Variants in CARMIL1 observed in about 807,000 individuals in gnomAD.
CARMIL1 encodes F-actin-uncapping protein LRRC16A.
CARMIL1 carries 90 observed loss-of-function variants against 177.1 expected under a neutral mutation model. That is an observed-to-expected ratio of 0.51 (90% confidence interval 0.43 to 0.61). The LOEUF is 0.61. Among genes scored for constraint, CARMIL1 ranks in the 20% least tolerant of loss-of-function variants. The pLI, the probability that CARMIL1 is intolerant of heterozygous loss-of-function variation, is 0.00. For missense variants in CARMIL1, 1,380 were observed against 1,667.0 expected, an observed-to-expected ratio of 0.83 and a Z score of 3.00; for synonymous variants, 577 against 606.2, an observed-to-expected ratio of 0.95 and a Z score of 0.71.
At chr6:25,419,048 G>A (rs1447751784) in intron 2 of CARMIL1, among the ~76,000 whole-genome samples, 6 of 152,286 alleles carry the variant, frequency 3.9e-5, no homozygotes, top group South Asian at 2.1e-4. Flanking sequence ...ACGCCACAGG[G>A]GCACAGCCTT....
chr6:25,606,709 A>T (rs1562336075), intron 35 of CARMIL1, among the ~76,000 whole-genome samples: 1 of 152,334 alleles, frequency 6.6e-6, no homozygotes, highest in South Asian at 2.1e-4. Flanking sequence ...ATTCTATGAT[A>T]TAACAAGGGT....
At chr6:25,457,685 A>G (rs1799666229) in intron 8 of CARMIL1, among the ~76,000 whole-genome samples, 1 of 152,198 alleles carries the variant, frequency 6.6e-6, no homozygotes, top group Non-Finnish European at 1.5e-5. Context: ...AGAGTGCATA[A>G]TCCATTGTGT....
intron 31 of CARMIL1, among the ~76,000 whole-genome samples, chr6:25,587,110 CCTT>C (rs1323516633): frequency 2.0e-5 from 3 of 152,016 alleles, no homozygotes; most frequent in East Asian, 3.9e-4. Flanking sequence ...AAAAATTTAA[CCTT>C]AGATCAAACC....
In CARMIL1 at chr6:25,318,865, CAGGG is replaced by C. The variant is rs1300649143; in HGVS notation, c.138+33958_138+33961del. Reference sequence around the variant, plus strand: ...CCCTGGTTTGTGAGGTGCTCAACAGCAGGGACAGATGCAATCAGAGAAGGATGAA... The same window carrying C: ...CCCTGGTTTGTGAGGTGCTCAACAGCACAGATGCAATCAGAGAAGGATGAA... On this transcript the variant is annotated intron_variant, in intron 2 of 36. Transcript: ENST00000329474. 3.3e-5 allele frequency among the ~76,000 whole-genome samples: 5 copies of C among 152,276 alleles called. No individual in the cohort carries two copies. The East Asian group carries it at 5.8e-4, about 18-fold the overall frequency.
chr6:25,575,250 G>A (rs1202813120), intron 29 of CARMIL1, among the ~76,000 whole-genome samples: 1 of 152,142 alleles, frequency 6.6e-6, no homozygotes, highest in Non-Finnish European at 1.5e-5. Flanking sequence ...TCCAAAGAGT[G>A]GACAAGAGTA....
In CARMIL1 at chr6:25,495,176, T is replaced by C; in HGVS notation, c.1286T>C (p.Ile429Thr). 1.9e-6 allele frequency: 3 copies of C among 1,613,438 alleles called. No homozygotes were observed. Among genetic ancestry groups the C allele is most frequent in the Non-Finnish European group, 2.5e-6 (3 of 1,179,586 alleles). ...FFSSSLALMH[I>T]NLSGTKLSPE... Reference sequence around the variant, plus strand: ...AGTAGTTCTCTGGCTTTGATGCACATCAACCTTTCAGGCACAAAACTGTCT... The same window carrying C: ...AGTAGTTCTCTGGCTTTGATGCACACCAACCTTTCAGGCACAAAACTGTCT... The change falls in exon 16 of 37, where the codon ATC (isoleucine) becomes ACC (threonine). Residue 429 changes from isoleucine to threonine, a missense_variant. Ile to Thr is a moderately conservative substitution (Grantham distance 89, BLOSUM62 -1). Coordinates refer to ENST00000329474, the MANE Select transcript of CARMIL1 (RefSeq NM_017640.6).
At chr6:25,314,212 C>T (rs2150216550) in intron 2 of CARMIL1, among the ~76,000 whole-genome samples, 1 of 126,636 alleles carries the variant, frequency 7.9e-6, no homozygotes, top group South Asian at 2.8e-4. Context: ...CCACCCGCCT[C>T]GGCCTCCATC....
intron 2 of CARMIL1, among the ~76,000 whole-genome samples, chr6:25,294,772 T>C (rs1297005939): frequency 1.3e-5 from 2 of 152,270 alleles, no homozygotes; most frequent in Non-Finnish European, 2.9e-5. Context: ...ATCACTATTC[T>C]GATCACCTTG....
chr6:25,503,394 T>C (rs1022248147), intron 17 of CARMIL1, among the ~76,000 whole-genome samples: 2 of 152,236 alleles, frequency 1.3e-5, no homozygotes, highest in African/African-American at 4.8e-5. Flanking sequence ...TTTTGTTTCT[T>C]AGGCCTAGAT....
rs141912817 is a variant in CARMIL1 at position 25,284,595 on chromosome 6, G to C, written c.41-217G>C. Among the ~76,000 whole-genome samples, 1,306 of 152,314 alleles carry C rather than the reference G, an allele frequency of 8.6e-3. 15 individuals are homozygous for C. The highest frequency in any genetic ancestry group is 0.023 in the African/African-American group (956 of 41,564). On this transcript the variant is annotated intron_variant, in intron 1 of 36. Transcript: ENST00000329474. ...CTGGTGGTGTGCGCCTGTAGTCTCA[G>C]CTGTTCGGGAAGCTGAGGCAGGAGA...
At chr6:25,524,748 C>A (rs988459053) in intron 23 of CARMIL1, among the ~76,000 whole-genome samples, 3 of 151,758 alleles carry the variant, frequency 2.0e-5, no homozygotes, top group Non-Finnish European at 4.4e-5. Context: ...CATGCAAGAA[C>A]AGATGGGTAA....
At chr6:25,357,078 T>G (rs560920560) in intron 2 of CARMIL1, among the ~76,000 whole-genome samples, 16 of 141,350 alleles carry the variant, frequency 1.1e-4, no homozygotes, top group African/African-American at 3.7e-4. Flanking sequence ...GTCATTGTGT[T>G]TTTTTTTTTT....
intron 5 of CARMIL1, among the ~76,000 whole-genome samples, chr6:25,445,867 G>A (rs1798185131): frequency 2.6e-5 from 4 of 152,162 alleles, no homozygotes; most frequent in Admixed American, 2.6e-4. Flanking sequence ...ATGGGCTGCA[G>A]AATGGATATT....
chr6:25,374,308 T>G (rs1354686838), intron 2 of CARMIL1, among the ~76,000 whole-genome samples: 2 of 152,188 alleles, frequency 1.3e-5, no homozygotes, highest in African/African-American at 4.8e-5. Flanking sequence ...CAGGAGTAGG[T>G]TAATTTCTAT....
At chr6:25,316,268 G>T (rs1784261525) in intron 2 of CARMIL1, among the ~76,000 whole-genome samples, 1 of 152,062 alleles carries the variant, frequency 6.6e-6, no homozygotes, top group Non-Finnish European at 1.5e-5. Context: ...GTGAGGAGTG[G>T]GCACAGGCGC....
intron 23 of CARMIL1, among the ~76,000 whole-genome samples, chr6:25,526,441 A>AT (rs1318659267): frequency 6.6e-6 from 1 of 151,582 alleles, no homozygotes; most frequent in African/African-American, 2.4e-5. Flanking sequence ...TTTAAAGCTT[A>AT]TATTTATTGG....
chr6:25,389,367 G>GC (rs1163382589), intron 2 of CARMIL1, among the ~76,000 whole-genome samples: 1 of 134,416 alleles, frequency 7.4e-6, no homozygotes, highest in East Asian at 3.7e-4. Context: ...TTTGAGATTT[G>GC]GGGGGGTCTT....
At chr6:25,300,880 G>A (rs1169650471) in intron 2 of CARMIL1, among the ~76,000 whole-genome samples, 1 of 152,170 alleles carries the variant, frequency 6.6e-6, no homozygotes, top group African/African-American at 2.4e-5. Context: ...GAGACCCATA[G>A]AATAAACCTT....
Position 25,550,933 on chromosome 6 carries a change from T to C in CARMIL1, c.2352T>C (p.Asp784=), listed in dbSNP as rs1810035567. 1 of 1,613,410 alleles carries C rather than the reference T, an allele frequency of 6.2e-7. No homozygotes were observed. Among genetic ancestry groups the C allele is most frequent in the African/African-American group, 1.3e-5 (1 of 74,900 alleles). ...QLKALLESMV[D]AAENLCPNVM... is the part of the protein sequence containing the mutation. The stretch of plus-strand genomic sequence containing the variant: ...AGGCGTTGCTTGAGTCCATGGTTGA[T>C]GCTGCTGAGAATCTTTGTCCCAATG... Residue 784 remains aspartate (D), a synonymous_variant, in exon 27 of 37, where the codon GAT becomes GAC. Transcript: ENST00000329474.
Sources: allele counts gnomAD v4.1 joint callset (sites outside exome capture counted in the v4.1 genomes callset), GRCh38; gene constraint gnomAD v4.1.1; transcripts MANE v1.5; gene names NCBI Gene and HGNC (gene_info 2026-07-23, HGNC 2026-07-21).